RERE: variants seen among roughly 807,000 people sequenced by gnomAD.
The protein encoded by RERE is arginine-glutamic acid dipeptide repeats protein.
In RERE, 40 loss-of-function variants were observed where a neutral mutation model predicts 146.1. The ratio of observed to expected loss-of-function variants is 0.27; its 90% CI spans 0.21 to 0.36. The LOEUF (loss-of-function observed/expected upper bound fraction) is 0.36. Ranked by LOEUF, RERE falls within the 10% of genes least tolerant of loss-of-function variation. The pLI is 1.00. For synonymous variants in RERE, 1,003 were observed against 866.0 expected (o/e 1.16, Z -2.78); for missense variants, 1,933 against 2,138.7 (o/e 0.90, Z 1.90).
intron 1 of RERE, among the ~76,000 whole-genome samples, chr1:8,705,618 G>A (rs1639542298): frequency 6.6e-6 from 1 of 152,030 alleles, no homozygotes; most frequent in South Asian, 2.1e-4. Flanking sequence ...AACACTCATA[G>A]CCCCTTCTAA....
intron 1 of RERE, among the ~76,000 whole-genome samples, chr1:8,813,604 C>T (rs559598848): frequency 2.1e-5 from 3 of 142,534 alleles, no homozygotes; most frequent in East Asian, 4.3e-4. Flanking sequence ...GTTTACTATC[C>T]TATTTTTTCC....
intron 1 of RERE, among the ~76,000 whole-genome samples, chr1:8,662,667 C>G (rs1393809375): frequency 6.6e-6 from 1 of 152,126 alleles, no homozygotes; most frequent in Non-Finnish European, 1.5e-5. Flanking sequence ...CACTGCACTC[C>G]AGCCTAGGGA....
chr1:8,759,981 T>C (rs1640720877), intron 1 of RERE, among the ~76,000 whole-genome samples: 1 of 152,004 alleles, frequency 6.6e-6, no homozygotes, highest in Non-Finnish European at 1.5e-5. Context: ...CAAAATAAAT[T>C]CTCCCCAAGT....
intron 1 of RERE, among the ~76,000 whole-genome samples, chr1:8,770,634 T>C (rs1640930880): frequency 6.6e-6 from 1 of 152,212 alleles, no homozygotes; most frequent in African/African-American, 2.4e-5. Flanking sequence ...TGGCAAACTG[T>C]AAGCACTCAA....
At chr1:8,580,723 T>C (rs1219566060) in intron 4 of RERE, among the ~76,000 whole-genome samples, 1 of 152,116 alleles carries the variant, frequency 6.6e-6, no homozygotes, top group African/African-American at 2.4e-5. Context: ...TAGCTAGCTA[T>C]TTTTGGAGAC....
chr1:8,638,867 G>A (rs1211920618), intron 2 of RERE, among the ~76,000 whole-genome samples: 3 of 138,292 alleles, frequency 2.2e-5, no homozygotes, highest in Admixed American at 8.2e-5. Context: ...TCCGCCTCCC[G>A]TGTTCATGCC....
At chr1:8,746,061 T>C (rs985415494) in intron 1 of RERE, among the ~76,000 whole-genome samples, 3 of 152,196 alleles carry the variant, frequency 2.0e-5, no homozygotes, top group Non-Finnish European at 4.4e-5. Context: ...CAAGAGCCTA[T>C]CTCAAAACAA....
At chr1:8,397,599 A>C (rs1024061948) in intron 12 of RERE, among the ~76,000 whole-genome samples, 3 of 152,108 alleles carry the variant, frequency 2.0e-5, no homozygotes, top group Non-Finnish European at 4.4e-5. Context: ...AAAAAAAAAA[A>C]AAAACACATG....
intron 2 of RERE, among the ~76,000 whole-genome samples, chr1:8,652,319 T>A (rs1344568100): frequency 1.3e-5 from 2 of 152,184 alleles, no homozygotes; most frequent in Non-Finnish European, 2.9e-5. Flanking sequence ...CAGCATACCT[T>A]TCTCACATGT....
At chr1:8,509,981 T>G (rs1274424172) in intron 7 of RERE, among the ~76,000 whole-genome samples, 1 of 152,148 alleles carries the variant, frequency 6.6e-6, no homozygotes, top group Non-Finnish European at 1.5e-5. Context: ...ATCCAATCAT[T>G]TTCTCATGAA....
intron 12 of RERE, 47 bp downstream of exon 12, chr1:8,422,677 CAGG>C: frequency 7.6e-7 from 1 of 1,319,266 alleles, no homozygotes; most frequent in East Asian, 2.3e-5. Flanking sequence ...GGAGAGGCAG[CAGG>C]AGCAAAGAGG....
chr1:8,635,968 TTATC>T (rs1557448281), intron 2 of RERE, among the ~76,000 whole-genome samples: 16 of 145,394 alleles, frequency 1.1e-4, no homozygotes, highest in African/African-American at 3.2e-4. Context: ...TTATCTTATC[TTATC>T]TTATCTTATT....
At chr1:8,769,380 T>C (rs182304166) in intron 1 of RERE, among the ~76,000 whole-genome samples, 3 of 152,356 alleles carry the variant, frequency 2.0e-5, no homozygotes, top group Non-Finnish European at 2.9e-5. Context: ...TACAAAGTGA[T>C]AGGCAGATGC....
At chr1:8,474,319 T>C (rs1233172625) in intron 10 of RERE, among the ~76,000 whole-genome samples, 2 of 152,208 alleles carry the variant, frequency 1.3e-5, no homozygotes, top group East Asian at 1.9e-4. Context: ...CAAATCTGTA[T>C]GTTGCACAGA....
chr1:8,813,577 T>C (rs998776697), intron 1 of RERE, among the ~76,000 whole-genome samples: 1 of 151,966 alleles, frequency 6.6e-6, no homozygotes, highest in African/African-American at 2.4e-5. Context: ...CACATAATTA[T>C]TGCAGGACCT....
intron 1 of RERE, among the ~76,000 whole-genome samples, chr1:8,770,575 A>G (rs17032769): frequency 0.026 from 3,978 of 152,230 alleles, 165 homozygotes; most frequent in African/African-American, 0.09. Context: ...ACTATACTTA[A>G]CAATCCATGA....
At chr1:8,759,052 G>A (rs1640702112) in intron 1 of RERE, among the ~76,000 whole-genome samples, 1 of 152,094 alleles carries the variant, frequency 6.6e-6, no homozygotes, top group South Asian at 2.1e-4. Context: ...GAAGCCGGAG[G>A]ATTGCTTAAG....
At chr1:8,525,818 T>A (rs1286311554) in intron 7 of RERE, 67 of 1,566,758 alleles carry the variant, frequency 4.3e-5, no homozygotes, top group Non-Finnish European at 5.7e-5. Flanking sequence ...CTAGCTGGAT[T>A]CCTGAACCTT....
intron 3 of RERE, among the ~76,000 whole-genome samples, chr1:8,618,548 C>T (rs1646882479): frequency 6.6e-6 from 1 of 152,220 alleles, no homozygotes; most frequent in Non-Finnish European, 1.5e-5. Context: ...GCAAGATTTA[C>T]CTCCTTTTAA....
Sources: gnomAD v4.1 joint callset for allele counts (sites outside exome capture counted in the v4.1 genomes callset) on GRCh38, gnomAD v4.1.1 for gene constraint, MANE v1.5 for transcripts, NCBI Gene and HGNC (gene_info 2026-07-23, HGNC 2026-07-21) for gene names.